ALOX12B: variants seen among roughly 807,000 people sequenced by gnomAD.
ALOX12B encodes the protein arachidonate 12-lipoxygenase, 12R type, also known as arachidonate 12-lipoxygenase, 12R-type.
A neutral mutation model predicts 78.9 loss-of-function variants in ALOX12B; 47 were observed. The observed-to-expected ratio is 0.60, with a 90% CI of 0.47 to 0.76. ALOX12B has a LOEUF of 0.76. Ranked by LOEUF, ALOX12B falls within the 30% of genes least tolerant of loss-of-function variation. ALOX12B has a pLI of 0.00. For missense variants in ALOX12B, 805 were observed against 922.6 expected, an observed-to-expected ratio of 0.87 and a Z score of 1.65; for synonymous variants, 370 against 374.5, an observed-to-expected ratio of 0.99 and a Z score of 0.14.
chr17:8,074,495 A>C (rs1288780469), intron 12 of ALOX12B, among the ~76,000 whole-genome samples: 1 of 145,772 alleles, frequency 6.9e-6, no homozygotes, highest in Non-Finnish European at 1.5e-5. Context: ...AACTCAAACC[A>C]TCACCCAGTC....
chr17:8,073,016 C>T, intron 14 of ALOX12B, 66 bp from the exon 15 acceptor site: 1 of 1,595,590 alleles, frequency 6.3e-7, no homozygotes, highest in Non-Finnish European at 8.6e-7. Flanking sequence ...TGCCGGTGGC[C>T]CTGGCCCCTC....
rs753894141 is a variant in ALOX12B, at chr17:8,080,106, G to T, written c.754+129C>A. On this transcript the variant is annotated intron_variant, in intron 6 of 14. Transcript: ENST00000647874. This position sits in a 1 kb window ranked among gnomAD's most constrained non-coding sequence, Gnocchi z 4.8. ...AGGAGCCCGGTGCGACATTTTCCAA[G>T]AAGCCGCCAGAGGGCGCGCGCGCGC... 1 of 1,477,434 alleles carries T rather than the reference G, an allele frequency of 6.8e-7. No homozygotes were observed. Among genetic ancestry groups the T allele is most frequent in the Non-Finnish European group, 9.4e-7 (1 of 1,059,448 alleles). 91.5% of individuals were successfully genotyped at this position (1,477,434 alleles called of 1,614,324 possible).
At chr17:8,075,858 C>G in intron 11 of ALOX12B, 142 bp from the exon 12 acceptor site, 4 of 1,405,082 alleles carry the variant, frequency 2.8e-6, no homozygotes, top group Non-Finnish European at 4.0e-6. Context: ...TCCTGTGGGG[C>G]AGAAGTGGAG....
chr17:8,080,211 G>T lies in ALOX12B; in HGVS notation c.754+24C>A. The T allele has an allele frequency of 6.2e-7, 1 of 1,609,818 alleles. No individual in the cohort carries two copies. Among genetic ancestry groups the T allele is most frequent in the Non-Finnish European group, 8.5e-7 (1 of 1,176,096 alleles). ...GGAGACCGCCTGGCTCCCCCTGCTCGATCCGGGACGCCCCATTCCATACCG... is the reference window on the plus strand; with the variant it reads ...GGAGACCGCCTGGCTCCCCCTGCTCTATCCGGGACGCCCCATTCCATACCG... On this transcript the variant is annotated intron_variant, in intron 6 of 14. Transcript: ENST00000647874. This position sits in a 1 kb window ranked among gnomAD's most constrained non-coding sequence, Gnocchi z 4.8.
chr17:8,087,307 C>T lies in ALOX12B; in HGVS notation c.136G>A (p.Ala46Thr). Residue 46 changes from alanine (A) to threonine (T), a missense_variant, in exon 1 of 15, where the codon GCA (alanine) becomes ACA (threonine). By Grantham distance (58) the Ala-to-Thr change is moderately conservative. Transcript: ENST00000647874. ...QLLNHFGRDF[A>T]TGAVGQYTVQ... The stretch of plus-strand genomic sequence containing the variant: ...ACACACACTCTTACCGCCCCAGTTG[C>T]AAAGTCTCTCCCAAAGTGGTTCAGC... 6.2e-7 allele frequency: 1 copy of T among 1,614,002 alleles called. No individual in the cohort carries two copies. Among genetic ancestry groups the T allele is most frequent in the Non-Finnish European group, 8.5e-7 (1 of 1,179,986 alleles).
intron 2 of ALOX12B, 193 bp from the exon 3 acceptor site, chr17:8,081,380 T>G (rs1977215374): frequency 4.5e-6 from 3 of 662,158 alleles, no homozygotes; most frequent in Non-Finnish European, 8.4e-6. Context: ...GGACCCACCC[T>G]CTTTCCTCTT....
At position 8,079,618 on chromosome 17, in the gene ALOX12B, CT is replaced by C; in HGVS notation, c.928-80del. ...ACCCGCGCCGCAGGTGCACAGGGCG[CT>C]GGCGACTAGGGGCAGGGGTGGGACG... On this transcript the variant is annotated intron_variant, in intron 7 of 14. Coordinates refer to ENST00000647874, the MANE Select transcript of ALOX12B (RefSeq NM_001139.3). This position sits in a 1 kb window ranked among gnomAD's most constrained non-coding sequence, Gnocchi z 6.4. The C allele has an allele frequency of 6.5e-7, 1 of 1,537,856 alleles. No homozygotes were observed.
At position 8,086,102 on chromosome 17, in the gene ALOX12B, A is replaced by G; in HGVS notation, c.266T>C (p.Ile89Thr). 1 of 1,614,182 alleles carries G rather than the reference A, an allele frequency of 6.2e-7. No individual in the cohort carries two copies. The change falls in exon 2 of 15, where the codon ATC becomes ACC. Residue 89 changes from isoleucine to threonine, a missense_variant. Physicochemically the swap from Ile to Thr is moderately conservative, Grantham distance 89 (BLOSUM62 -1). Transcript: ENST00000647874. ...GTAGATACGGCCGTTGGGGGCACAG[A>G]TCTGCACATAGTTGCAGTACCAAGG... is the stretch of plus-strand genomic sequence containing the variant. ...KDPWYCNYVQ[I>T]CAPNGRIYHF...
chr17:8,074,046 G>A (rs748759395), intron 12 of ALOX12B, among the ~76,000 whole-genome samples: 13 of 152,114 alleles, frequency 8.5e-5, no homozygotes, highest in Non-Finnish European at 1.9e-4. Flanking sequence ...TGGGGATGCC[G>A]CTCCGGTCCC....
rs757596043 is a variant in ALOX12B, at chr17:8,086,102, A to T, written c.266T>A (p.Ile89Asn). 1 of 1,614,182 alleles carries T rather than the reference A, an allele frequency of 6.2e-7. No individual in the cohort carries two copies. The change falls in exon 2 of 15, where the codon ATC (isoleucine) becomes AAC (asparagine). Residue 89 changes from isoleucine (I) to asparagine (N), a missense_variant. Coordinates refer to ENST00000647874, the MANE Select transcript of ALOX12B (RefSeq NM_001139.3). ...KDPWYCNYVQ[I>N]CAPNGRIYHF... Reference sequence around the variant, plus strand: ...GTAGATACGGCCGTTGGGGGCACAGATCTGCACATAGTTGCAGTACCAAGG... The same window carrying T: ...GTAGATACGGCCGTTGGGGGCACAGTTCTGCACATAGTTGCAGTACCAAGG...
At chr17:8,075,496 A>G (rs1280083960) in intron 12 of ALOX12B, 99 bp downstream of exon 12, 1 of 1,588,098 alleles carries the variant, frequency 6.3e-7, no homozygotes, top group Admixed American at 1.7e-5. Flanking sequence ...CTACAATAAA[A>G]TATGTTCTGA....
intron 10 of ALOX12B, 105 bp from the exon 11 acceptor site, chr17:8,076,449 C>T (rs1977084708): frequency 1.4e-6 from 2 of 1,405,596 alleles, no homozygotes; most frequent in African/African-American, 1.4e-5. Context: ...ACCCAGCCCA[C>T]CCCACCTCCA....
intron 2 of ALOX12B, 67 bp from the exon 3 acceptor site, chr17:8,081,254 G>A: frequency 6.5e-7 from 1 of 1,531,866 alleles, no homozygotes. Context: ...GGAAGCAGGA[G>A]TTCAGCTTCT....
At chr17:8,078,593 C>T (rs1218735827) in intron 8 of ALOX12B, among the ~76,000 whole-genome samples, 1 of 151,882 alleles carries the variant, frequency 6.6e-6, no homozygotes, top group African/African-American at 2.4e-5. Context: ...CGTAGCGCTC[C>T]TTGTGTACAC....
Position 8,080,269 on chromosome 17 carries a change from C to T in ALOX12B, c.720G>A (p.Arg240=), listed in dbSNP as rs1463145617. The change falls in exon 6 of 15, where the codon AGG becomes AGA. Residue 240 remains arginine, a synonymous_variant. Transcript: ENST00000647874. This position sits in a 1 kb window ranked among gnomAD's most constrained non-coding sequence, Gnocchi z 4.8. ...KHSWKRLKDI[R]KIFPGKKSVV... ...CAGATTTCTTGCCAGGGAAAATTTTCCTAATGTCCTTCAGCCTCTTCCACG... is the reference window on the plus strand; with the variant it reads ...CAGATTTCTTGCCAGGGAAAATTTTTCTAATGTCCTTCAGCCTCTTCCACG... The T allele has an allele frequency of 1.2e-6, 2 of 1,614,244 alleles. No homozygotes were observed. Among genetic ancestry groups the T allele is most frequent in the Non-Finnish European group, 1.7e-6 (2 of 1,180,046 alleles).
chr17:8,072,949 C>G lies in ALOX12B; in HGVS notation c.1928G>C (p.Arg643Pro). ...WTLSREPDDR[R>P]PLGHFPDIHF... ...AATGTCCGGGAAGTGTCCCAGGGGCCGCTGCGGGCAGAGAGCTCGACAGCT... is the reference window on the plus strand; with the variant it reads ...AATGTCCGGGAAGTGTCCCAGGGGCGGCTGCGGGCAGAGAGCTCGACAGCT... The change falls in exon 15 of 15, where the codon CGG becomes CCG. Residue 643 changes from arginine (R) to proline (P), a missense_variant and splice_region_variant. Arg to Pro is a moderately radical substitution (Grantham distance 103, BLOSUM62 -2). Coordinates refer to ENST00000647874, the MANE Select transcript of ALOX12B (RefSeq NM_001139.3). 1.2e-6 allele frequency: 2 copies of G among 1,610,678 alleles called. No individual in the cohort carries two copies. Among genetic ancestry groups the G allele is most frequent in the Non-Finnish European group, 1.7e-6 (2 of 1,178,100 alleles).
chr17:8,075,574 C>T (rs1246798091), intron 12 of ALOX12B, 21 bp downstream of exon 12: 3 of 1,613,792 alleles, frequency 1.9e-6, no homozygotes, highest in Admixed American at 3.3e-5. Flanking sequence ...CCCCTGATTG[C>T]CCAGGTGTCC....
Position 8,073,587 on chromosome 17 carries a change from G to A in ALOX12B, c.1755+70C>T, listed in dbSNP as rs779471254. ...GATTATGGCTGAGGCTGGGTTTGAG[G>A]TTGGGGCATGGACGAAATTTAGAAG... On this transcript the variant is annotated intron_variant, in intron 13 of 14. Transcript: ENST00000647874. 3.1e-4 allele frequency: 445 copies of A among 1,418,736 alleles called. 2 individuals carry two copies. The Middle Eastern group carries it at 4.9e-3, about 16-fold the overall frequency. 87.9% of individuals were successfully genotyped at this position (1,418,736 alleles called of 1,614,324 possible).
chr17:8,073,008 C>T, intron 14 of ALOX12B, 58 bp from the exon 15 acceptor site: 1 of 1,594,808 alleles, frequency 6.3e-7, no homozygotes, highest in Non-Finnish European at 8.6e-7. Context: ...CCTCCTCCTG[C>T]CGGTGGCCCT....
Sources: allele counts gnomAD v4.1 joint callset (sites outside exome capture counted in the v4.1 genomes callset), GRCh38; gene constraint gnomAD v4.1.1; non-coding constraint Gnocchi (gnomAD v3.1); transcripts MANE v1.5; gene names NCBI Gene and HGNC (gene_info 2026-07-23, HGNC 2026-07-21).